The following SLC15A5 variants were observed in gnomAD, a reference collection of about 807,000 sequenced individuals.
SLC15A5 encodes the protein solute carrier family 15 member 5, also known as Peptide/histidine transporter ENSP00000340402.
In SLC15A5, 58 loss-of-function variants were observed where a neutral mutation model predicts 56.1. The ratio of observed to expected loss-of-function variants is 1.03; its 90% CI spans 0.84 to 1.29. SLC15A5 has a LOEUF of 1.29. Ranked by LOEUF, SLC15A5 falls within the 50% of genes most tolerant of loss-of-function variation. SLC15A5 has a pLI of 0.00. For missense variants in SLC15A5, 681 were observed against 672.1 expected (o/e 1.01, Z -0.15); for synonymous variants, 264 against 250.5 (o/e 1.05, Z -0.51).
intron 7 of SLC15A5, among the ~76,000 whole-genome samples, chr12:16,212,061 C>T (rs1323016677): frequency 2.6e-5 from 4 of 152,078 alleles, no homozygotes; most frequent in African/African-American, 9.7e-5. Flanking sequence ...TTGAAAATAT[C>T]CTATATACTA....
intron 7 of SLC15A5, among the ~76,000 whole-genome samples, chr12:16,212,199 C>G (rs1038773744): frequency 2.0e-5 from 3 of 152,022 alleles, no homozygotes; most frequent in African/African-American, 7.3e-5. Flanking sequence ...GCCAAATGAA[C>G]CATTATAACG....
intron 6 of SLC15A5, 36 bp from the exon 7 acceptor site, chr12:16,217,060 C>A: frequency 6.6e-7 from 1 of 1,510,870 alleles, no homozygotes; most frequent in Non-Finnish European, 8.8e-7. Flanking sequence ...TTAGAACTTT[C>A]TCCTGAAAAT....
chr12:16,259,901 C>CGG (rs3078523), intron 2 of SLC15A5, among the ~76,000 whole-genome samples: 39 of 148,804 alleles, frequency 2.6e-4, no homozygotes, highest in East Asian at 4.0e-4. Flanking sequence ...ACCACCCGGG[C>CGG]GGGGGGTAAG....
intron 6 of SLC15A5, among the ~76,000 whole-genome samples, chr12:16,223,359 A>G (rs1290971470): frequency 6.6e-6 from 1 of 152,174 alleles, no homozygotes; most frequent in Non-Finnish European, 1.5e-5. Context: ...CTTGAGTTAC[A>G]ATCAGGACTC....
At chr12:16,204,910 A>G (rs765312264) in intron 7 of SLC15A5, among the ~76,000 whole-genome samples, 3 of 152,162 alleles carry the variant, frequency 2.0e-5, no homozygotes, top group Non-Finnish European at 2.9e-5. Context: ...AGATAAATGC[A>G]ATGAAATTAA....
intron 6 of SLC15A5, among the ~76,000 whole-genome samples, chr12:16,222,211 A>G (rs992053248): frequency 6.6e-6 from 1 of 152,180 alleles, no homozygotes; most frequent in Non-Finnish European, 1.5e-5. Flanking sequence ...TCCCTGTTTT[A>G]TAGATGATGA....
intron 5 of SLC15A5, among the ~76,000 whole-genome samples, chr12:16,236,217 T>C (rs768568186): frequency 6.6e-6 from 1 of 152,116 alleles, no homozygotes; most frequent in Non-Finnish European, 1.5e-5. Context: ...GAAATACTCA[T>C]AGTGTAAACA....
rs1174003061 is a variant in SLC15A5, at chr12:16,243,401, G to T, written c.975+1179C>A. ...ATTTTGTATTTTTAGTAGAGACGGG[G>T]TTTCTCCATTTTGGTAAAGCTGGTT... On this transcript the variant is annotated intron_variant, in intron 4 of 8. Coordinates refer to ENST00000344941, the MANE Select transcript of SLC15A5 (RefSeq NM_001170798.1). This position sits in a 1 kb window ranked among gnomAD's most constrained non-coding sequence, Gnocchi z 4.4. Among the ~76,000 whole-genome samples, 3 of 151,892 alleles carry T rather than the reference G, an allele frequency of 2.0e-5. No homozygotes were observed. Among genetic ancestry groups the T allele is most frequent in the Non-Finnish European group, 2.9e-5 (2 of 67,984 alleles).
chr12:16,200,381 G>A (rs1702724156), intron 7 of SLC15A5, among the ~76,000 whole-genome samples: 1 of 151,740 alleles, frequency 6.6e-6, no homozygotes, highest in Non-Finnish European at 1.5e-5. Context: ...CTTAAGTAAT[G>A]AAATCATAAA....
chr12:16,272,548 C>T lies in SLC15A5; in HGVS notation c.584+13G>A, dbSNP rs1278640727. 1 of 1,535,030 alleles carries T rather than the reference C, an allele frequency of 6.5e-7. No individual in the cohort carries two copies. The highest frequency in any genetic ancestry group is 1.4e-5 in the African/African-American group (1 of 73,066). ...TCATAAGCCTCTTTTCTCTCCTAGC[C>T]AGTGCTACTTACCAGTTAAAAAAAG... is the stretch of plus-strand genomic sequence containing the variant. On this transcript the variant is annotated intron_variant, in intron 2 of 8. Transcript: ENST00000344941.
chr12:16,254,294 A>G (rs957522798), intron 3 of SLC15A5, among the ~76,000 whole-genome samples: 2 of 152,050 alleles, frequency 1.3e-5, no homozygotes, highest in African/African-American at 4.8e-5. Flanking sequence ...TAGAAACAGA[A>G]AGTAGAAAAG....
In SLC15A5 at chr12:16,272,783, C is replaced by T; in HGVS notation, c.362G>A (p.Gly121Asp). The T allele has an allele frequency of 6.5e-7, 1 of 1,536,398 alleles. No homozygotes were observed. The highest frequency in any genetic ancestry group is 2.4e-5 in the East Asian group (1 of 40,900). ...AGCCACCACAGATAACAAAGCAGTGCCTGTAGGTGGAGAAAAAAAAAGAGT... is the reference window on the plus strand; with the variant it reads ...AGCCACCACAGATAACAAAGCAGTGTCTGTAGGTGGAGAAAAAAAAAGAGT... ...VYICLFLHFL[G>D]TALLSVVAFP... Residue 121 changes from glycine to aspartate, a missense_variant and splice_region_variant, in exon 2 of 9, where the codon GGC (glycine) becomes GAC (aspartate). Gly to Asp is a moderately conservative substitution (Grantham distance 94). Coordinates refer to ENST00000344941, the MANE Select transcript of SLC15A5 (RefSeq NM_001170798.1).
At chr12:16,213,310 A>G (rs1054353696) in intron 7 of SLC15A5, among the ~76,000 whole-genome samples, 1 of 152,188 alleles carries the variant, frequency 6.6e-6, no homozygotes, top group African/African-American at 2.4e-5. Flanking sequence ...ACAACGTAAT[A>G]TATTATTTAT....
rs114479890 is a variant in SLC15A5 at position 16,209,242 on chromosome 12, A to G, written c.1483+7651T>C. Among the ~76,000 whole-genome samples the G allele has an allele frequency of 9.8e-3, 1,486 of 152,000 alleles. 22 individuals carry two copies. Among genetic ancestry groups the G allele is most frequent in the African/African-American group, 0.034 (1,420 of 41,438 alleles). ...TCTTTCTTATCTTCAGTGAATATAC[A>G]TATGTGCATATACATATATACATAC... On this transcript the variant is annotated intron_variant, in intron 7 of 8. Transcript: ENST00000344941.
At position 16,193,833 on chromosome 12, in the gene SLC15A5, GA is replaced by G. The variant is rs1565654540; in HGVS notation, c.1592+511del. On this transcript the variant is annotated intron_variant, in intron 8 of 8. Coordinates refer to ENST00000344941, the MANE Select transcript of SLC15A5 (RefSeq NM_001170798.1). ...AGAGAGAGAGAGAGAGAGAGAGAGAGAGAGAGAGAGAGGCTGGCAATGGATG... is the reference window on the plus strand; with the variant it reads ...AGAGAGAGAGAGAGAGAGAGAGAGAGGAGAGAGAGAGGCTGGCAATGGATG... Among the ~76,000 whole-genome samples, 120 of 131,374 alleles carry G rather than the reference GA, an allele frequency of 9.1e-4. 5 individuals carry two copies. The highest frequency in any genetic ancestry group is 3.2e-3 in the African/African-American group (112 of 34,908). 86.2% of individuals were successfully genotyped at this position (131,374 alleles called of 152,430 possible). A position where few individuals can be genotyped will look rare whatever the true frequency, so the allele number is the denominator to read the frequency against.
chr12:16,223,024 A>T, intron 6 of SLC15A5, among the ~76,000 whole-genome samples: 1 of 152,028 alleles, frequency 6.6e-6, no homozygotes, highest in Admixed American at 6.6e-5. Flanking sequence ...ATGATATACA[A>T]TTATAAAAAA....
At chr12:16,265,902 A>G (rs927071197) in intron 2 of SLC15A5, among the ~76,000 whole-genome samples, 4 of 152,148 alleles carry the variant, frequency 2.6e-5, no homozygotes, top group Non-Finnish European at 4.4e-5. Flanking sequence ...TTATTTCTTT[A>G]TCTCCATGAG....
intron 5 of SLC15A5, among the ~76,000 whole-genome samples, chr12:16,238,422 T>C (rs1289106606): frequency 2.0e-5 from 3 of 151,750 alleles, no homozygotes; most frequent in South Asian, 2.1e-4. Flanking sequence ...GGTCAGGAGA[T>C]TGAGACCATC....
rs146692690 is a variant in SLC15A5 at position 16,226,238 on chromosome 12, T to C, written c.1163-1636A>G. ...TACAATGCAAATAGTATGTAAACAG[T>C]TGTTATACTATATTGTTTAGGGAAT... is the stretch of plus-strand genomic sequence containing the variant. On this transcript the variant is annotated intron_variant, in intron 5 of 8. Transcript: ENST00000344941. Among the ~76,000 whole-genome samples the C allele has an allele frequency of 2.2e-3, 336 of 152,320 alleles. 3 individuals carry two copies. The highest frequency in any genetic ancestry group is 7.9e-3 in the African/African-American group (327 of 41,568).
Sources: gnomAD v4.1 joint callset for allele counts (sites outside exome capture counted in the v4.1 genomes callset) on GRCh38, gnomAD v4.1.1 for gene constraint, Gnocchi (gnomAD v3.1) non-coding constraint, MANE v1.5 for transcripts, NCBI Gene and HGNC (gene_info 2026-07-23, HGNC 2026-07-21) for gene names.